The following CCBE1 variants were observed in gnomAD, a reference collection of about 807,000 sequenced individuals.
CCBE1 encodes collagen and calcium binding EGF domains 1, also known as collagen and calcium-binding EGF domain-containing protein 1.
CCBE1 carries 37 observed loss-of-function variants against 50.0 expected under a neutral mutation model. That is an observed-to-expected ratio of 0.74 (90% CI 0.57 to 0.97). The LOEUF (loss-of-function observed/expected upper bound fraction) is 0.97. CCBE1 is among the 50% of genes least tolerant of loss of function. CCBE1 has a pLI of 0.00. For missense variants in CCBE1, 538 were observed against 523.8 expected (o/e 1.03, Z -0.26); for synonymous variants, 234 against 203.7 (o/e 1.15, Z -1.27).
At chr18:59,503,864 A>G (rs1022681846) in intron 2 of CCBE1, among the ~76,000 whole-genome samples, 1 of 152,138 alleles carries the variant, frequency 6.6e-6, no homozygotes, top group Non-Finnish European at 1.5e-5. Context: ...ACAGGCCCTC[A>G]TCTTCACACC....
intron 2 of CCBE1, among the ~76,000 whole-genome samples, chr18:59,556,706 T>C (rs1026229341): frequency 1.3e-5 from 2 of 152,164 alleles, no homozygotes; most frequent in African/African-American, 4.8e-5. Flanking sequence ...AAAAAATCAA[T>C]ACATTGTCAT....
intron 2 of CCBE1, among the ~76,000 whole-genome samples, chr18:59,643,732 A>G (rs183629058): frequency 6.7e-6 from 1 of 149,478 alleles, no homozygotes; most frequent in Non-Finnish European, 1.5e-5. Context: ...GAGGCAGGAG[A>G]ATCGTTTGAA....
intron 2 of CCBE1, among the ~76,000 whole-genome samples, chr18:59,541,791 A>G (rs1166730213): frequency 1.3e-5 from 2 of 152,160 alleles, no homozygotes; most frequent in African/African-American, 4.8e-5. Flanking sequence ...GTGATGGAGA[A>G]GACAGATTAG....
chr18:59,697,551 A>G (rs1249225750), upstream of CCBE1: 1 of 634,906 alleles, frequency 1.6e-6, no homozygotes, highest in Non-Finnish European at 2.6e-6. Flanking sequence ...ATGCAAACCC[A>G]GCAGAGAAGC....
chr18:59,588,022 G>C lies in CCBE1; in HGVS notation c.213-107784C>G, dbSNP rs370537762. On this transcript the variant is annotated intron_variant, in intron 2 of 10. Coordinates refer to ENST00000439986, the MANE Select transcript of CCBE1 (RefSeq NM_133459.4). The stretch of plus-strand genomic sequence containing the variant: ...ATCGGATCCTGATAATGAGTTGGAA[G>C]ACTTGTATTATACATATGTTGGTTC... Among the ~76,000 whole-genome samples, 4 of 152,168 alleles carry C rather than the reference G, an allele frequency of 2.6e-5. No homozygotes were observed. In the East Asian group the frequency reaches 7.7e-4, roughly 29 times the overall value.
intron 2 of CCBE1, among the ~76,000 whole-genome samples, chr18:59,544,420 C>A (rs1336163177): frequency 1.3e-5 from 2 of 152,194 alleles, no homozygotes; most frequent in Admixed American, 6.5e-5. Flanking sequence ...TGAACAATTG[C>A]TTTTTCCTTA....
At chr18:59,449,778 A>C (rs957804527) in intron 6 of CCBE1, among the ~76,000 whole-genome samples, 11 of 152,150 alleles carry the variant, frequency 7.2e-5, no homozygotes, top group African/African-American at 2.7e-4. Flanking sequence ...AATTTTGTAA[A>C]CAGAACCTCA....
In CCBE1 at chr18:59,650,651, C is replaced by T. The variant is rs191380581; in HGVS notation, c.212+45978G>A. On this transcript the variant is annotated intron_variant, in intron 2 of 10. Coordinates refer to ENST00000439986, the MANE Select transcript of CCBE1 (RefSeq NM_133459.4). ...GAAAGCTCACCACGCATTCCAGAAC[C>T]GCACTTCTCCCTCTAAGTCTCTCTC... Among the ~76,000 whole-genome samples, 338 of 151,322 alleles carry T rather than the reference C, an allele frequency of 2.2e-3. 1 individual carries two copies. The highest frequency in any genetic ancestry group is 2.7e-3 in the Non-Finnish European group (181 of 67,918).
intron 2 of CCBE1, among the ~76,000 whole-genome samples, chr18:59,691,592 GAC>G (rs2054734262): frequency 6.6e-6 from 1 of 152,132 alleles, no homozygotes; most frequent in African/African-American, 2.4e-5. Flanking sequence ...TTTTAGTAGA[GAC>G]GGGGTTTCAC....
intron 2 of CCBE1, among the ~76,000 whole-genome samples, chr18:59,534,706 G>T (rs1161682976): frequency 6.6e-6 from 1 of 152,176 alleles, no homozygotes; most frequent in Non-Finnish European, 1.5e-5. Context: ...GGTCATTTCT[G>T]ATGTCCACTG....
chr18:59,455,440 G>A lies in CCBE1; in HGVS notation c.554-489C>T, dbSNP rs968014213. ...TGGGCCGGGAGCTGACCTCACCGAC[G>A]CGTGAGGCCAGGATGGGAAATGCCC... On this transcript the variant is annotated intron_variant, in intron 5 of 10. Transcript: ENST00000439986. Among the ~76,000 whole-genome samples, 8 of 152,206 alleles carry A rather than the reference G, an allele frequency of 5.3e-5. No homozygotes were observed. In the East Asian group the frequency reaches 7.7e-4, roughly 15 times the overall value.
intron 2 of CCBE1, among the ~76,000 whole-genome samples, chr18:59,482,578 A>C (rs1912622779): frequency 6.6e-6 from 1 of 152,236 alleles, no homozygotes; most frequent in South Asian, 2.1e-4. Context: ...ACATTGTCTT[A>C]CAAGGTTTAT....
At chr18:59,539,333 C>A (rs1434026492) in intron 2 of CCBE1, among the ~76,000 whole-genome samples, 1 of 152,148 alleles carries the variant, frequency 6.6e-6, no homozygotes, top group African/African-American at 2.4e-5. Flanking sequence ...TTTCAAGGAA[C>A]TGAGAGTGGG....
At position 59,609,450 on chromosome 18, in the gene CCBE1, G is replaced by A. The variant is rs1052103080; in HGVS notation, c.212+87179C>T. Among the ~76,000 whole-genome samples, 4 of 152,270 alleles carry A rather than the reference G, an allele frequency of 2.6e-5. No individual in the cohort carries two copies. In the Middle Eastern group the frequency reaches 0.01, roughly 388 times the overall value. On this transcript the variant is annotated intron_variant, in intron 2 of 10. Coordinates refer to ENST00000439986, the MANE Select transcript of CCBE1 (RefSeq NM_133459.4). ...CTTCCTAGGTTTTCGACATGCTACA[G>A]AACAGTTCCATTGCTCAACCAGTAG... is the stretch of plus-strand genomic sequence containing the variant.
intron 2 of CCBE1, among the ~76,000 whole-genome samples, chr18:59,564,426 T>C (rs1275191029): frequency 6.6e-6 from 1 of 152,240 alleles, no homozygotes; most frequent in Non-Finnish European, 1.5e-5. Flanking sequence ...ATATTTTCCA[T>C]TGTCAGTACA....
At chr18:59,491,827 C>CAAAT (rs1555683266) in intron 2 of CCBE1, among the ~76,000 whole-genome samples, 13 of 133,340 alleles carry the variant, frequency 9.7e-5, no homozygotes, top group Admixed American at 2.3e-4. Flanking sequence ...AACAAACAAA[C>CAAAT]AAACAAACAA....
At chr18:59,603,148 A>G (rs2053454279) in intron 2 of CCBE1, among the ~76,000 whole-genome samples, 3 of 152,244 alleles carry the variant, frequency 2.0e-5, no homozygotes, top group African/African-American at 7.2e-5. Flanking sequence ...TGTATCCGCC[A>G]TAGCCAAATG....
At chr18:59,479,691 T>C (rs1789476) in intron 3 of CCBE1, among the ~76,000 whole-genome samples, 48,694 of 152,170 alleles carry the variant, frequency 0.32, 7,989 homozygotes, top group Admixed American at 0.42. Flanking sequence ...CTCCCCATCC[T>C]GGCTTCTCAA....
At chr18:59,682,003 G>A (rs1014753676) in intron 2 of CCBE1, among the ~76,000 whole-genome samples, 1 of 152,164 alleles carries the variant, frequency 6.6e-6, no homozygotes, top group African/African-American at 2.4e-5. Context: ...TCTGAGGTTC[G>A]GCGAGAGCCA....
Sources: allele counts gnomAD v4.1 joint callset (sites outside exome capture counted in the v4.1 genomes callset), GRCh38; gene constraint gnomAD v4.1.1; transcripts MANE v1.5; gene names NCBI Gene and HGNC (gene_info 2026-07-23, HGNC 2026-07-21).